The following RERE variants were observed in gnomAD, a reference collection of about 807,000 sequenced individuals.
RERE encodes the protein arginine-glutamic acid dipeptide repeats protein.
RERE carries 40 observed loss-of-function variants against 146.1 expected under a neutral mutation model. The ratio of observed to expected loss-of-function variants is 0.27; its 90% CI spans 0.21 to 0.36. The LOEUF (loss-of-function observed/expected upper bound fraction) is 0.36, where lower values mean the gene tolerates loss of function less well. Among genes scored for constraint, RERE ranks in the 10% least tolerant of loss-of-function variants. The pLI, the probability that RERE is intolerant of heterozygous loss-of-function variation, is 1.00. For missense variants in RERE, 1,933 were observed against 2,138.7 expected (o/e 0.90, Z 1.90); for synonymous variants, 1,003 against 866.0 (o/e 1.16, Z -2.78).
chr1:8,646,929 T>G (rs1277494266), intron 2 of RERE, among the ~76,000 whole-genome samples: 1 of 152,180 alleles, frequency 6.6e-6, no homozygotes, highest in Non-Finnish European at 1.5e-5. Context: ...AAGATCAGCC[T>G]GGGCAACATG....
intron 12 of RERE, among the ~76,000 whole-genome samples, chr1:8,383,538 G>A (rs1642527602): frequency 6.6e-6 from 1 of 152,046 alleles, no homozygotes; most frequent in Admixed American, 6.6e-5. Flanking sequence ...ACTCTTAAAT[G>A]TGTCGAAGAA....
intron 10 of RERE, among the ~76,000 whole-genome samples, chr1:8,471,679 A>AT (rs895315507): frequency 2.0e-5 from 3 of 151,682 alleles, no homozygotes; most frequent in Admixed American, 1.3e-4. Flanking sequence ...TGCCTGGCTA[A>AT]TTTTTTTTAT....
At position 8,361,410 on chromosome 1, in the gene RERE, A is replaced by G; in HGVS notation, c.2097T>C (p.Ser699=). Residue 699 remains serine (S), a synonymous_variant, in exon 18 of 23, where the codon AGT becomes AGC. Transcript: ENST00000400908. The part of the protein sequence containing the change: ...DSRSVNDEGS[S]DPKDIDQDNR... ...TGTCCTGGTCGATGTCTTTGGGGTC[A>G]CTGCTACCCTCATCGTTGACGCTGC... The G allele has an allele frequency of 6.2e-7, 1 of 1,613,806 alleles. No individual in the cohort carries two copies. Among genetic ancestry groups the G allele is most frequent in the Non-Finnish European group, 8.5e-7 (1 of 1,179,872 alleles).
intron 1 of RERE, among the ~76,000 whole-genome samples, chr1:8,659,138 A>G (rs1418846300): frequency 6.6e-6 from 1 of 152,260 alleles, no homozygotes; most frequent in East Asian, 1.9e-4. Context: ...ACCGTCTGCT[A>G]AACAGATAGT....
intron 10 of RERE, among the ~76,000 whole-genome samples, chr1:8,470,577 TGAAG>T (rs1028789361): frequency 6.6e-6 from 1 of 151,872 alleles, no homozygotes; most frequent in Non-Finnish European, 1.5e-5. Context: ...CTTGAATGGA[TGAAG>T]GAAGAATATT....
intron 10 of RERE, among the ~76,000 whole-genome samples, chr1:8,478,758 TA>T (rs948291116): frequency 2.6e-5 from 4 of 152,036 alleles, no homozygotes; most frequent in African/African-American, 9.7e-5. Context: ...AGACCAACCT[TA>T]AAACAACACA....
At chr1:8,558,267 T>G (rs571416836) in intron 4 of RERE, among the ~76,000 whole-genome samples, 1 of 152,382 alleles carries the variant, frequency 6.6e-6, no homozygotes, top group East Asian at 1.9e-4. Context: ...AAGTTAATTT[T>G]GTTCCCAGTT....
At chr1:8,564,651 T>A (rs181913372) in intron 4 of RERE, among the ~76,000 whole-genome samples, 1 of 150,318 alleles carries the variant, frequency 6.7e-6, no homozygotes, top group East Asian at 1.9e-4. Flanking sequence ...GATCCAGGAA[T>A]CCCACTTCTG....
chr1:8,438,858 A>G (rs911841750), intron 11 of RERE, among the ~76,000 whole-genome samples: 2 of 152,254 alleles, frequency 1.3e-5, no homozygotes, highest in Non-Finnish European at 2.9e-5. Flanking sequence ...TAAGCTCATT[A>G]CAGGCCCTAA....
At chr1:8,357,546 C>G (rs1023208459) in intron 20 of RERE, among the ~76,000 whole-genome samples, 2 of 152,194 alleles carry the variant, frequency 1.3e-5, no homozygotes, top group African/African-American at 4.8e-5. Context: ...AGCAGGTGAA[C>G]CTGCCTCCTC....
chr1:8,778,595 G>A (rs570672788), intron 1 of RERE, among the ~76,000 whole-genome samples: 8 of 152,190 alleles, frequency 5.3e-5, no homozygotes, highest in South Asian at 2.1e-4. Context: ...CCAGCTCTTC[G>A]GGAAGCCGAG....
intron 6 of RERE, among the ~76,000 whole-genome samples, chr1:8,543,583 G>A (rs1645824483): frequency 6.6e-6 from 1 of 152,122 alleles, no homozygotes; most frequent in South Asian, 2.1e-4. Context: ...TAGAAATCAG[G>A]TATGTTTAGG....
chr1:8,528,793 CAG>C (rs1262107558), intron 7 of RERE, among the ~76,000 whole-genome samples: 2 of 152,044 alleles, frequency 1.3e-5, no homozygotes, highest in East Asian at 3.9e-4. Flanking sequence ...ACCTGTACCA[CAG>C]AGAGAGTCAG....
intron 1 of RERE, among the ~76,000 whole-genome samples, chr1:8,669,313 C>G (rs1268707836): frequency 6.6e-6 from 1 of 152,088 alleles, no homozygotes; most frequent in Non-Finnish European, 1.5e-5. Context: ...TGGGCTCAAG[C>G]AATCTGCTTG....
chr1:8,613,009 G>A (rs1020049321), intron 4 of RERE, among the ~76,000 whole-genome samples: 1 of 152,088 alleles, frequency 6.6e-6, no homozygotes, highest in Non-Finnish European at 1.5e-5. Context: ...ATATGTAAAC[G>A]TGTTATGCTG....
intron 12 of RERE, among the ~76,000 whole-genome samples, chr1:8,392,934 A>G (rs1230180247): frequency 6.6e-6 from 1 of 152,216 alleles, no homozygotes. Context: ...TTCATAGAAA[A>G]TGAAAGGATT....
chr1:8,654,436 T>C (rs1286049789), intron 2 of RERE, among the ~76,000 whole-genome samples: 2 of 152,162 alleles, frequency 1.3e-5, no homozygotes, highest in South Asian at 2.1e-4. Flanking sequence ...CTCAGTAAAA[T>C]GATTGTTCCA....
chr1:8,706,729 G>A (rs1402640259), intron 1 of RERE, among the ~76,000 whole-genome samples: 2 of 152,100 alleles, frequency 1.3e-5, no homozygotes, highest in Non-Finnish European at 2.9e-5. Context: ...CTAAGTAACA[G>A]ACCTGACATG....
Position 8,423,072 on chromosome 1 carries a change from A to C in RERE, c.1204-265T>G. 2.3e-6 allele frequency: 1 copy of C among 444,198 alleles called. No homozygotes were observed. The highest frequency in any genetic ancestry group is 4.2e-6 in the Non-Finnish European group (1 of 239,716). The allele number at this position is 444,198 out of a possible 1,614,324, so 27.5% of individuals were successfully genotyped here. On this transcript the variant is annotated intron_variant, in intron 11 of 22. Coordinates refer to ENST00000400908, the MANE Select transcript of RERE (RefSeq NM_001042681.2). The surrounding 1 kb of genome is among the most constrained non-coding windows in gnomAD (Gnocchi z 5.4). ...AGGACGTCCTGCGTCTGAGGCTAAGAAGCAATCTGTCCCCCTCTTCCACCA... is the reference window on the plus strand; with the variant it reads ...AGGACGTCCTGCGTCTGAGGCTAAGCAGCAATCTGTCCCCCTCTTCCACCA...
Sources: gnomAD v4.1 joint callset for allele counts (sites outside exome capture counted in the v4.1 genomes callset) on GRCh38, gnomAD v4.1.1 for gene constraint, Gnocchi (gnomAD v3.1) non-coding constraint, MANE v1.5 for transcripts, NCBI Gene and HGNC (gene_info 2026-07-23, HGNC 2026-07-21) for gene names.